The following ARID1B variants were observed in gnomAD, a reference collection of about 807,000 sequenced individuals.
ARID1B encodes the protein AT-rich interaction domain 1B, also known as AT-rich interactive domain-containing protein 1B.
A neutral mutation model predicts 212.3 loss-of-function variants in ARID1B; 30 were observed. The observed-to-expected ratio is 0.14, with a 90% confidence interval of 0.11 to 0.19. The LOEUF is 0.19. Among genes scored for constraint, ARID1B ranks in the 10% least tolerant of loss-of-function variants. The probability of loss-of-function intolerance (pLI) is 1.00; values close to 1 mark genes in which losing one functional copy is unlikely to be tolerated. For synonymous variants in ARID1B, 1,402 were observed against 1,301.7 expected (o/e 1.08, Z -1.66); for missense variants, 2,891 against 3,204.0 (o/e 0.90, Z 2.36).
chr6:157,111,873 A>G (rs1013581053), intron 6 of ARID1B, among the ~76,000 whole-genome samples: 4 of 152,192 alleles, frequency 2.6e-5, no homozygotes, highest in Non-Finnish European at 5.9e-5. Context: ...AATCACCTGG[A>G]GGACTTGTTA....
chr6:156,907,206 CCTTTCTTTT>C (rs1411103733), intron 3 of ARID1B, among the ~76,000 whole-genome samples: 7 of 152,090 alleles, frequency 4.6e-5, no homozygotes, highest in African/African-American at 1.7e-4. Flanking sequence ...CAATGTTTCC[CCTTTCTTTT>C]CTTTCTTTTC....
chr6:157,193,408 A>C (rs960373866), intron 15 of ARID1B: 1 of 152,262 alleles, frequency 6.6e-6, no homozygotes, highest in Non-Finnish European at 1.5e-5. Flanking sequence ...CAGTATAACA[A>C]ACTACCCCCA....
intron 5 of ARID1B, among the ~76,000 whole-genome samples, chr6:157,096,377 A>T (rs1785633148): frequency 6.6e-6 from 1 of 152,250 alleles, no homozygotes; most frequent in Admixed American, 6.5e-5. Context: ...GGTGACTTAT[A>T]ACCTTTCTCC....
At chr6:157,105,753 CA>C (rs1279750694) in intron 5 of ARID1B, among the ~76,000 whole-genome samples, 1 of 152,110 alleles carries the variant, frequency 6.6e-6, no homozygotes, top group Admixed American at 6.5e-5. Flanking sequence ...AGGCACGCAT[CA>C]CCATACCTGG....
At position 156,778,157 on chromosome 6, in the gene ARID1B, C is replaced by T. The variant is rs1194459919; in HGVS notation, c.477C>T (p.Pro159=). 17 of 1,542,082 alleles carry T rather than the reference C, an allele frequency of 1.1e-5. No individual in the cohort carries two copies. The highest frequency in any genetic ancestry group is 1.4e-5 in the Non-Finnish European group (16 of 1,146,700). ...AACTGAAAACCGTTGGCGAAGCCCC[C>T]GCCGCGCCGCCCCACCAGCAGCACC... ...NHKLKTVGEA[P]AAPPHQQHHH... is the part of the protein sequence containing the mutation. Residue 159 remains proline (P), a synonymous_variant, in exon 1 of 20, where the codon CCC becomes CCT. Transcript: ENST00000636930.
At chr6:157,163,895 G>T (rs566678783) in intron 8 of ARID1B, among the ~76,000 whole-genome samples, 1 of 152,210 alleles carries the variant, frequency 6.6e-6, no homozygotes, top group Non-Finnish European at 1.5e-5. Flanking sequence ...GTAGTATACC[G>T]CACTGATAGT....
intron 4 of ARID1B, among the ~76,000 whole-genome samples, chr6:157,037,362 A>G (rs1781399215): frequency 6.6e-6 from 1 of 152,182 alleles, no homozygotes; most frequent in Admixed American, 6.5e-5. Context: ...CTAAGCCTAT[A>G]AGCAGATAAA....
chr6:157,084,137 C>CG lies in ARID1B; in HGVS notation c.2248-525_2248-524insG, dbSNP rs895278380. Among the ~76,000 whole-genome samples, 4 of 118,588 alleles carry CG rather than the reference C, an allele frequency of 3.4e-5. 1 individual carries two copies. Among genetic ancestry groups the CG allele is most frequent in the African/African-American group, 1.5e-4 (4 of 26,790 alleles). The allele number at this position is 118,588 out of a possible 152,430, so 77.8% of individuals were successfully genotyped here. A position where few individuals can be genotyped will look rare whatever the true frequency, so the allele number is the denominator to read the frequency against. On this transcript the variant is annotated intron_variant, in intron 4 of 19. Transcript: ENST00000636930. The stretch of plus-strand genomic sequence containing the variant: ...CGACAAGAGTGAGACTTCATCACCT[C>CG]CCCCCCAAAAAAAAAAAAACTTTCT...
intron 7 of ARID1B, among the ~76,000 whole-genome samples, chr6:157,144,975 G>A (rs892937017): frequency 1.3e-5 from 2 of 152,150 alleles, no homozygotes; most frequent in African/African-American, 4.8e-5. Flanking sequence ...TGCCTTTAAG[G>A]AGCTGCCAAT....
chr6:156,998,228 T>G (rs78049453), intron 4 of ARID1B, among the ~76,000 whole-genome samples: 1 of 150,952 alleles, frequency 6.6e-6, no homozygotes, highest in Non-Finnish European at 1.5e-5. Context: ...TTTTTTTTTT[T>G]GGTGGGCGGG....
In ARID1B at chr6:157,141,496, C is replaced by T. The variant is rs1171306934; in HGVS notation, c.2762-7128C>T. Among the ~76,000 whole-genome samples the T allele has an allele frequency of 3.2e-4, 48 of 152,112 alleles. 1 individual carries two copies. Among genetic ancestry groups the T allele is most frequent in the Admixed American group, 6.5e-5 (1 of 15,278 alleles). On this transcript the variant is annotated intron_variant, in intron 7 of 19. Transcript: ENST00000636930. ...CACAAATAGGATTTAATGCAACTTG[C>T]GGTAAGTCAGCTTTCATTTTGATGA...
chr6:156,874,337 G>C (rs1375975768), intron 2 of ARID1B, among the ~76,000 whole-genome samples: 1 of 152,106 alleles, frequency 6.6e-6, no homozygotes. Context: ...CAAAGTGCTG[G>C]GATTACAGGT....
intron 4 of ARID1B, among the ~76,000 whole-genome samples, chr6:157,012,581 A>G (rs188360559): frequency 1.8e-4 from 27 of 152,344 alleles, no homozygotes; most frequent in Admixed American, 3.3e-4. Flanking sequence ...AATAGAAGAC[A>G]TTATTGGGTT....
In ARID1B at chr6:156,959,828, A is replaced by T. The variant is rs552296774; in HGVS notation, c.2247+24252A>T. Reference sequence around the variant, plus strand: ...CTTTCGATCCGTGGTGGCAGGCGGGAGGTCTGCACACCAGGCTGCTCTCTC... The same window carrying T: ...CTTTCGATCCGTGGTGGCAGGCGGGTGGTCTGCACACCAGGCTGCTCTCTC... On this transcript the variant is annotated intron_variant, in intron 4 of 19. Coordinates refer to ENST00000636930, the MANE Select transcript of ARID1B (RefSeq NM_001374828.1). Among the ~76,000 whole-genome samples, 539 of 151,260 alleles carry T rather than the reference A, an allele frequency of 3.6e-3. 2 individuals are homozygous for T. The highest frequency in any genetic ancestry group is 0.013 in the African/African-American group (522 of 41,190).
intron 14 of ARID1B, 38 bp from the exon 15 acceptor site, chr6:157,189,999 TG>T (rs1793241954): frequency 6.2e-7 from 1 of 1,608,036 alleles, no homozygotes; most frequent in Non-Finnish European, 8.5e-7. Flanking sequence ...AGGTAACTCC[TG>T]CTGTATCATT....
At position 156,977,890 on chromosome 6, in the gene ARID1B, A is replaced by G. The variant is rs548271669; in HGVS notation, c.2247+42314A>G. Among the ~76,000 whole-genome samples the G allele has an allele frequency of 2.0e-5, 3 of 152,314 alleles. No homozygotes were observed. The South Asian group carries it at 6.2e-4, about 32-fold the overall frequency. On this transcript the variant is annotated intron_variant, in intron 4 of 19. Transcript: ENST00000636930. ...TACTTTAAGCTTTGGGAGGTGGGAC[A>G]GGGTAAGCAGGGTCTGCACTGATTC...
At chr6:157,127,625 A>T (rs1788220008) in intron 6 of ARID1B, among the ~76,000 whole-genome samples, 1 of 151,688 alleles carries the variant, frequency 6.6e-6, no homozygotes, top group Non-Finnish European at 1.5e-5. Context: ...CAAAAAAAAA[A>T]ATTAGCCGGG....
At chr6:156,969,926 G>A (rs6899531) in intron 4 of ARID1B, among the ~76,000 whole-genome samples, 7,877 of 144,356 alleles carry the variant, frequency 0.055, 692 homozygotes, top group African/African-American at 0.19. Context: ...ACTGGTATCA[G>A]GTAAACCAGC....
chr6:157,113,284 A>G (rs1350139243), intron 6 of ARID1B, among the ~76,000 whole-genome samples: 1 of 152,232 alleles, frequency 6.6e-6, no homozygotes, highest in Admixed American at 6.5e-5. Context: ...ATTGATTTTT[A>G]TGAATGTGAT....
Sources: gnomAD v4.1 joint callset for allele counts (sites outside exome capture counted in the v4.1 genomes callset) on GRCh38, gnomAD v4.1.1 for gene constraint, MANE v1.5 for transcripts, NCBI Gene and HGNC (gene_info 2026-07-23, HGNC 2026-07-21) for gene names.